The following BTBD8 variants were observed in gnomAD, a reference collection of about 807,000 sequenced individuals.
BTBD8 encodes the protein BTB domain containing 8.
BTBD8 carries 110 observed loss-of-function variants against 162.9 expected under a neutral mutation model. The observed-to-expected ratio is 0.68, with a 90% CI of 0.58 to 0.79. The LOEUF (loss-of-function observed/expected upper bound fraction) is 0.79. Among genes scored for constraint, BTBD8 ranks in the 30% least tolerant of loss-of-function variants. BTBD8 has a pLI of 0.00. For synonymous variants in BTBD8, 667 were observed against 716.1 expected, an observed-to-expected ratio of 0.93 and a Z score of 1.10; for missense variants, 1,905 against 2,085.4, an observed-to-expected ratio of 0.91 and a Z score of 1.68.
chr1:92,109,951 G>T (rs529635506), intron 4 of BTBD8, among the ~76,000 whole-genome samples: 9 of 152,164 alleles, frequency 5.9e-5, no homozygotes, highest in Non-Finnish European at 1.3e-4. Context: ...TTTATGACTG[G>T]AATTTTATTC....
intron 7 of BTBD8, among the ~76,000 whole-genome samples, chr1:92,143,879 G>A (rs925298246): frequency 6.7e-6 from 1 of 149,614 alleles, no homozygotes; most frequent in African/African-American, 2.5e-5. Context: ...TGGTTTTGTT[G>A]ACCTAATCCT....
chr1:92,102,743 T>A, intron 3 of BTBD8, 74 bp downstream of exon 3: 1 of 1,272,912 alleles, frequency 7.9e-7, no homozygotes, highest in African/African-American at 1.5e-5. Context: ...GAGAAAAGCA[T>A]ACTTCAAAAA....
chr1:92,145,846 T>C (rs1649899286), intron 7 of BTBD8, among the ~76,000 whole-genome samples: 1 of 152,060 alleles, frequency 6.6e-6, no homozygotes, highest in African/African-American at 2.4e-5. Context: ...CCAGGCGTGG[T>C]GGCAGGCGCC....
chr1:92,171,026 T>A lies in BTBD8; in HGVS notation c.1574-373T>A, dbSNP rs375948891. ...TCATATTTAATAGCTTGTAGAATGT[T>A]ACATTTGCTATAATCTGTAATTTTT... is the stretch of plus-strand genomic sequence containing the variant. On this transcript the variant is annotated intron_variant, in intron 12 of 17. Coordinates refer to ENST00000636805, the MANE Select transcript of BTBD8 (RefSeq NM_001376131.1). 3.6e-4 allele frequency among the ~76,000 whole-genome samples: 55 copies of A among 152,136 alleles called. No individual in the cohort carries two copies. The South Asian group carries it at 0.011, about 30-fold the overall frequency.
Position 92,177,994 on chromosome 1 carries a change from A to AT in BTBD8, c.2441+102dup, listed in dbSNP as rs1197593292. The AT allele has an allele frequency of 9.2e-5, 58 of 629,436 alleles. 2 individuals are homozygous for AT. In the South Asian group the frequency reaches 1.4e-3, roughly 15 times the overall value. The allele number at this position is 629,436 out of a possible 1,614,324, so 39.0% of individuals were successfully genotyped here. On this transcript the variant is annotated intron_variant, in intron 15 of 17. Coordinates refer to ENST00000636805, the MANE Select transcript of BTBD8 (RefSeq NM_001376131.1). ...GCTAAATATTTTTAAAATATCTTTT[A>AT]TTTTTTGTTAATGTATTTACATAAT...
intron 4 of BTBD8, among the ~76,000 whole-genome samples, chr1:92,108,743 G>A (rs1648808479): frequency 6.6e-6 from 1 of 152,186 alleles, no homozygotes; most frequent in South Asian, 2.1e-4. Flanking sequence ...GTCTCACTAT[G>A]GACTAGAATC....
Position 92,147,242 on chromosome 1 carries a change from G to A in BTBD8, c.993G>A (p.Val331=), listed in dbSNP as rs1649946654. The A allele has an allele frequency of 1.2e-6, 2 of 1,611,704 alleles. No homozygotes were observed. Among genetic ancestry groups the A allele is most frequent in the East Asian group, 4.5e-5 (2 of 44,700 alleles). Residue 331 remains valine (V), a synonymous_variant, in exon 8 of 18, where the codon GTG becomes GTA. Coordinates refer to ENST00000636805, the MANE Select transcript of BTBD8 (RefSeq NM_001376131.1). The stretch of plus-strand genomic sequence containing the variant: ...TGATTATTGCTCATTCAGTTGGAGT[G>A]GAAAGTCTTTTTGCTGACTGCATGA... ...ECLIIAHSVG[V]ESLFADCMKW... is the part of the protein sequence containing the mutation.
intron 2 of BTBD8, among the ~76,000 whole-genome samples, chr1:92,096,996 C>T (rs1648470521): frequency 6.6e-6 from 1 of 152,180 alleles, no homozygotes; most frequent in Non-Finnish European, 1.5e-5. Context: ...AGAACTTTTA[C>T]AAACTTCTTC....
chr1:92,156,660 A>G (rs904213129), intron 9 of BTBD8, among the ~76,000 whole-genome samples: 1 of 152,066 alleles, frequency 6.6e-6, no homozygotes, highest in African/African-American at 2.4e-5. Flanking sequence ...TCATGATTCA[A>G]CCTTAATAGG....
chr1:92,112,799 TC>T (rs909153714), intron 4 of BTBD8, among the ~76,000 whole-genome samples: 10 of 152,348 alleles, frequency 6.6e-5, no homozygotes, highest in African/African-American at 2.4e-4. Flanking sequence ...TAGTGATTAC[TC>T]CAAAAATTTA....
intron 2 of BTBD8, among the ~76,000 whole-genome samples, chr1:92,091,354 G>T (rs1052851513): frequency 3.9e-5 from 6 of 152,120 alleles, no homozygotes; most frequent in African/African-American, 1.4e-4. Context: ...TTCCTGTACA[G>T]CCTGGGGAAC....
At chr1:92,113,243 G>A (rs1016181896) in intron 4 of BTBD8, among the ~76,000 whole-genome samples, 14 of 152,166 alleles carry the variant, frequency 9.2e-5, no homozygotes, top group Non-Finnish European at 4.4e-5. Flanking sequence ...TCTGTTTTAA[G>A]GTCAGAGTAA....
intron 5 of BTBD8, among the ~76,000 whole-genome samples, chr1:92,133,693 G>T (rs939410178): frequency 6.6e-6 from 1 of 152,200 alleles, no homozygotes; most frequent in East Asian, 1.9e-4. Flanking sequence ...TAATCTGGCC[G>T]GGCACAGTGG....
chr1:92,147,344 C>T, intron 8 of BTBD8, 76 bp downstream of exon 8: 1 of 1,310,960 alleles, frequency 7.6e-7, no homozygotes, highest in Admixed American at 1.9e-5. Flanking sequence ...TTGTGGGGAA[C>T]TTTAGAGTTG....
chr1:92,080,866 C>A, intron 1 of BTBD8, 146 bp downstream of exon 1: 6 of 1,272,116 alleles, frequency 4.7e-6, no homozygotes, highest in Non-Finnish European at 6.4e-6. Context: ...TAGCCAGTCT[C>A]CCCACTATTC....
intron 1 of BTBD8, among the ~76,000 whole-genome samples, chr1:92,085,023 C>G (rs1207226829): frequency 6.6e-6 from 1 of 152,198 alleles, no homozygotes; most frequent in Non-Finnish European, 1.5e-5. Context: ...GGTTTTCATG[C>G]CCTCTGTGAG....
intron 9 of BTBD8, among the ~76,000 whole-genome samples, chr1:92,154,371 T>C (rs1650110853): frequency 6.6e-6 from 1 of 152,200 alleles, no homozygotes; most frequent in African/African-American, 2.4e-5. Context: ...CTGTTCTACA[T>C]AGCAGCTGCA....
intron 5 of BTBD8, among the ~76,000 whole-genome samples, chr1:92,134,239 C>G (rs569790553): frequency 6.6e-5 from 10 of 152,262 alleles, no homozygotes; most frequent in African/African-American, 2.4e-4. Context: ...CCTGGGATTG[C>G]CCTGGCCTTC....
intron 4 of BTBD8, among the ~76,000 whole-genome samples, chr1:92,112,077 G>A (rs1318924317): frequency 1.3e-5 from 2 of 151,964 alleles, no homozygotes; most frequent in African/African-American, 4.8e-5. Context: ...ACTCGGATGA[G>A]TGCTTTGGGG....
Sources: allele counts gnomAD v4.1 joint callset (sites outside exome capture counted in the v4.1 genomes callset), GRCh38; gene constraint gnomAD v4.1.1; transcripts MANE v1.5; gene names NCBI Gene and HGNC (gene_info 2026-07-23, HGNC 2026-07-21).